The following MINAR1 variants were observed in gnomAD, a reference collection of about 807,000 sequenced individuals.
MINAR1 encodes the protein major intrinsically disordered Notch2-binding receptor 1.
MINAR1 carries 40 observed loss-of-function variants against 65.1 expected under a neutral mutation model. The ratio of observed to expected loss-of-function variants is 0.61; its 90% CI spans 0.48 to 0.80. The LOEUF (loss-of-function observed/expected upper bound fraction) is 0.80. MINAR1 is among the 30% of genes least tolerant of loss of function. The probability of loss-of-function intolerance (pLI) is 0.00; values close to 1 mark genes in which losing one functional copy is unlikely to be tolerated. For synonymous variants in MINAR1, 482 were observed against 449.1 expected, an observed-to-expected ratio of 1.07 and a Z score of -0.93; for missense variants, 1,128 against 1,148.0, an observed-to-expected ratio of 0.98 and a Z score of 0.25.
intron 1 of MINAR1, among the ~76,000 whole-genome samples, chr15:79,445,550 A>ATTTT (rs60881490): frequency 0.031 from 4,241 of 138,646 alleles, 114 homozygotes; most frequent in East Asian, 0.067. Context: ...TGTGACAGTT[A>ATTTT]TTTTTTTTTT....
chr15:79,463,640 G>C, intron 3 of MINAR1: 2 of 562,174 alleles, frequency 3.6e-6, no homozygotes, highest in Non-Finnish European at 6.7e-6. Flanking sequence ...TTGCTCACAA[G>C]ACCTGAGCCA....
Position 79,457,204 on chromosome 15 carries a change from C to A in MINAR1, c.1057C>A (p.Arg353Ser), listed in dbSNP as rs781706546. The change falls in exon 2 of 4, where the codon CGC (arginine) becomes AGC (serine). Residue 353 changes from arginine (R) to serine (S), a missense_variant. Transcript: ENST00000305428. ...TPVMGTQEAR[R>S]CLGKPNKQTP... is the part of the protein sequence containing the mutation. ...CGTGATGGGAACCCAAGAAGCCAGGCGCTGTCTAGGGAAGCCCAACAAGCA... is the reference window on the plus strand; with the variant it reads ...CGTGATGGGAACCCAAGAAGCCAGGAGCTGTCTAGGGAAGCCCAACAAGCA... 12 of 1,614,050 alleles carry A rather than the reference C, an allele frequency of 7.4e-6. No homozygotes were observed. Among genetic ancestry groups the A allele is most frequent in the South Asian group, 2.2e-5 (2 of 91,062 alleles).
intron 1 of MINAR1, among the ~76,000 whole-genome samples, chr15:79,444,970 A>T (rs1894973803): frequency 1.3e-5 from 2 of 152,064 alleles, no homozygotes; most frequent in South Asian, 4.1e-4. Flanking sequence ...TTCTTGAGAA[A>T]GATATGTTAA....
At chr15:79,460,951 G>T (rs1895621468) in intron 2 of MINAR1, among the ~76,000 whole-genome samples, 3 of 152,240 alleles carry the variant, frequency 2.0e-5, no homozygotes, top group African/African-American at 7.2e-5. Context: ...TTTTCTTTAT[G>T]TGAATCCTCC....
chr15:79,413,494 T>G, the MINAR1 span: 1 of 152,358 alleles, frequency 6.6e-6, no homozygotes, highest in East Asian at 1.9e-4. Context: ...AATTCTTGAC[T>G]GAAATAATCA....
chr15:79,450,249 C>A (rs144104033), intron 1 of MINAR1, among the ~76,000 whole-genome samples: 22 of 152,132 alleles, frequency 1.4e-4, no homozygotes, highest in African/African-American at 5.1e-4. Context: ...CCATCCAGCC[C>A]GCTCTAAAGA....
At chr15:79,446,911 G>C (rs1310736688) in intron 1 of MINAR1, among the ~76,000 whole-genome samples, 3 of 152,068 alleles carry the variant, frequency 2.0e-5, no homozygotes, top group Non-Finnish European at 2.9e-5. Context: ...TTTTGAGACA[G>C]AGTCTCACTC....
At chr15:79,415,814 C>T in the MINAR1 span, 2 of 152,174 alleles carry the variant, frequency 1.3e-5, no homozygotes, top group South Asian at 2.1e-4. Context: ...TAATTACAGG[C>T]CTGTATGCTG....
chr15:79,429,394 C>T (rs1301513169), upstream of MINAR1, among the ~76,000 whole-genome samples: 3 of 152,246 alleles, frequency 2.0e-5, no homozygotes, highest in Non-Finnish European at 4.4e-5. Flanking sequence ...TATCACTTAT[C>T]AAATGTCTAA....
chr15:79,419,562 G>C, the MINAR1 span: 80 of 152,254 alleles, frequency 5.3e-4, no homozygotes, highest in African/African-American at 1.9e-3. Context: ...ATGAAGAGGG[G>C]ACTTTGCTGT....
At chr15:79,437,507 G>C (rs1731602743) in intron 1 of MINAR1, among the ~76,000 whole-genome samples, 1 of 150,942 alleles carries the variant, frequency 6.6e-6, no homozygotes, top group Non-Finnish European at 1.5e-5. Flanking sequence ...GATAGGTTGT[G>C]AGTGGGTAGA....
intron 1 of MINAR1, 81 bp from the exon 2 acceptor site, chr15:79,456,017 T>C (rs1895397956): frequency 1.7e-5 from 13 of 764,852 alleles, no homozygotes; most frequent in Non-Finnish European, 2.1e-6. Context: ...CTTTATATGG[T>C]TTATAAGGAG....
At chr15:79,464,838 C>T (rs1490137307) in intron 3 of MINAR1, among the ~76,000 whole-genome samples, 2 of 151,756 alleles carry the variant, frequency 1.3e-5, no homozygotes, top group Non-Finnish European at 2.9e-5. Flanking sequence ...CTGTCAACTT[C>T]CTGCGGGCAA....
At chr15:79,425,767 G>C in the MINAR1 span, 2 of 152,658 alleles carry the variant, frequency 1.3e-5, no homozygotes, top group Non-Finnish European at 2.9e-5. Context: ...AGGTACCAGA[G>C]CCAGACACGA....
At chr15:79,446,835 T>G (rs1322688941) in intron 1 of MINAR1, among the ~76,000 whole-genome samples, 1 of 152,210 alleles carries the variant, frequency 6.6e-6, no homozygotes, top group Admixed American at 6.5e-5. Flanking sequence ...AAACTTATCC[T>G]TCTATGCTCA....
At chr15:79,459,054 C>A (rs773326084) in intron 2 of MINAR1, among the ~76,000 whole-genome samples, 1 of 152,118 alleles carries the variant, frequency 6.6e-6, no homozygotes, top group African/African-American at 2.4e-5. Context: ...GTAACACAAG[C>A]CTGTAGTCCC....
intron 1 of MINAR1, among the ~76,000 whole-genome samples, chr15:79,435,920 G>T (rs1245847452): frequency 6.6e-6 from 1 of 152,172 alleles, no homozygotes; most frequent in Non-Finnish European, 1.5e-5. Flanking sequence ...CTGCTTCTGG[G>T]CACATGGTAA....
At chr15:79,459,986 A>G (rs1895590487) in intron 2 of MINAR1, among the ~76,000 whole-genome samples, 1 of 152,210 alleles carries the variant, frequency 6.6e-6, no homozygotes, top group Admixed American at 6.5e-5. Flanking sequence ...AGAGAACTCA[A>G]ATGGTTAGGT....
At position 79,458,390 on chromosome 15, in the gene MINAR1, AG is replaced by A. The variant is rs1895520552; in HGVS notation, c.2244del (p.Ile749Ter). Reference sequence around the variant, plus strand: ...AACCGTGTGGGCCTCAATGAGGAGGAGATAAAAGACACAGGCCCAGGAGATA... The same window carrying A: ...AACCGTGTGGGCCTCAATGAGGAGGAATAAAAGACACAGGCCCAGGAGATA... ...YTNRVGLNEE[E>X]IKDTGPGDNK... On this transcript the variant is annotated frameshift_variant, in exon 2 of 4. Transcript: ENST00000305428. LOFTEE classifies it high-confidence loss of function. 6.2e-7 allele frequency: 1 copy of A among 1,614,086 alleles called. No homozygotes were observed.
Sources: gnomAD v4.1 joint callset for allele counts (sites outside exome capture counted in the v4.1 genomes callset) on GRCh38, gnomAD v4.1.1 for gene constraint, MANE v1.5 for transcripts, NCBI Gene and HGNC (gene_info 2026-07-23, HGNC 2026-07-21) for gene names.